CSNK1G2: variants seen among roughly 807,000 people sequenced by gnomAD.
The protein encoded by CSNK1G2 is casein kinase 1 gamma 2, also known as casein kinase I isoform gamma-2.
CSNK1G2 carries 11 observed loss-of-function variants against 48.0 expected under a neutral mutation model. The observed-to-expected ratio is 0.23, with a 90% confidence interval of 0.14 to 0.38. CSNK1G2 has a LOEUF of 0.38. CSNK1G2 is among the 10% of genes least tolerant of loss of function. CSNK1G2 has a pLI of 1.00. For missense variants in CSNK1G2, 446 were observed against 595.5 expected (o/e 0.75, Z 2.61); for synonymous variants, 337 against 254.1 (o/e 1.33, Z -3.10).
Position 1,958,916 on chromosome 19 carries a change from G to A in CSNK1G2, c.-265-10592G>A, listed in dbSNP as rs184383732. On this transcript the variant is annotated intron_variant, in intron 1 of 11. Coordinates refer to ENST00000255641, the MANE Select transcript of CSNK1G2 (RefSeq NM_001319.7). ...CCCTCCCCCCGTCCCCCCCACCCCC[G>A]TCCAGGGCCACAGCAGCCGGTATTG... 8.0e-3 allele frequency among the ~76,000 whole-genome samples: 139 copies of A among 17,384 alleles called. 1 individual carries two copies. The highest frequency in any genetic ancestry group is 0.079 in the East Asian group (38 of 480). 11.4% of individuals were successfully genotyped at this position (17,384 alleles called of 152,430 possible).
chr19:1,959,525 C>A (rs1482904365), intron 1 of CSNK1G2, among the ~76,000 whole-genome samples: 1 of 146,552 alleles, frequency 6.8e-6, no homozygotes, highest in Non-Finnish European at 1.5e-5. Flanking sequence ...TTTAGTACCA[C>A]CCTGAGTCCC....
intron 2 of CSNK1G2, chr19:1,975,013 G>T (rs1050092248): frequency 3.7e-5 from 36 of 961,968 alleles, no homozygotes; most frequent in Non-Finnish European, 4.5e-5. Context: ...AGATCCACAG[G>T]CCTCAGATGC....
chr19:1,980,160 T>A lies in CSNK1G2; in HGVS notation c.1205T>A (p.Phe402Tyr). The A allele has an allele frequency of 6.2e-7, 1 of 1,612,954 alleles. No individual in the cohort carries two copies. Among genetic ancestry groups the A allele is most frequent in the Admixed American group, 1.7e-5 (1 of 60,016 alleles). The change falls in exon 12 of 12, where the codon TTC becomes TAC. Residue 402 changes from phenylalanine (F) to tyrosine (Y), a missense_variant. Physicochemically the swap from Phe to Tyr is conservative, Grantham distance 22. Around this residue, in one of 2 missense-constraint regions of CSNK1G2, gnomAD observed 188 missense variants for 179.6 expected, o/e 1.05. Coordinates refer to ENST00000255641, the MANE Select transcript of CSNK1G2 (RefSeq NM_001319.7). Reference sequence around the variant, plus strand: ...ACTGCCCTCCTCAGATGCTGCTGTTTCTTCAAGAGGAGAAAGAGAAAATCG... The same window carrying A: ...ACTGCCCTCCTCAGATGCTGCTGTTACTTCAAGAGGAGAAAGAGAAAATCG... ...EVADETKCCC[F>Y]FKRRKRKSLQ...
chr19:1,975,507 T>A (rs2015722489), intron 2 of CSNK1G2: 1 of 985,408 alleles, frequency 1.0e-6, no homozygotes, highest in Non-Finnish European at 1.2e-6. Context: ...AACCCCATCC[T>A]CCCTGTGAGC....
chr19:1,974,339 G>C (rs544418111), intron 2 of CSNK1G2, among the ~76,000 whole-genome samples: 1 of 152,172 alleles, frequency 6.6e-6, no homozygotes, highest in Non-Finnish European at 1.5e-5. Flanking sequence ...ACCGGAGGGG[G>C]CTGGATTCGC....
chr19:1,949,473 G>A (rs564452027), intron 1 of CSNK1G2, among the ~76,000 whole-genome samples: 15 of 152,356 alleles, frequency 9.8e-5, no homozygotes, highest in South Asian at 2.1e-4. Flanking sequence ...GCCCGCGTCC[G>A]AGTCTCGCTC....
chr19:1,972,826 G>C (rs907144281), intron 2 of CSNK1G2, among the ~76,000 whole-genome samples: 1 of 150,618 alleles, frequency 6.6e-6, no homozygotes, highest in African/African-American at 2.4e-5. Context: ...GTTTCACCTT[G>C]TTGGCCAGGC....
intron 2 of CSNK1G2, among the ~76,000 whole-genome samples, chr19:1,974,488 G>C (rs113765495): frequency 0.052 from 7,891 of 152,182 alleles, 664 homozygotes; most frequent in African/African-American, 0.18. Flanking sequence ...ATGACCCTTG[G>C]GGGGTGCATC....
At position 1,978,019 on chromosome 19, in the gene CSNK1G2, C is replaced by T. The variant is rs2015819079; in HGVS notation, c.188-286C>T. Among the ~76,000 whole-genome samples, 1 of 151,654 alleles carries T rather than the reference C, an allele frequency of 6.6e-6. No homozygotes were observed. Among genetic ancestry groups the T allele is most frequent in the South Asian group, 2.1e-4 (1 of 4,806 alleles). On this transcript the variant is annotated intron_variant, in intron 2 of 11. Transcript: ENST00000255641. The surrounding 1 kb of genome is among the most constrained non-coding windows in gnomAD (Gnocchi z 7.3). ...GCCTGCAGGCCGTGAGAGACCTCCC[C>T]AGTGCCGCTTCTGTCCTGGGCTAGG...
At chr19:1,953,704 A>G (rs920879681) in intron 1 of CSNK1G2, 1 of 385,922 alleles carries the variant, frequency 2.6e-6, no homozygotes, top group Non-Finnish European at 5.3e-6. Context: ...GGGTCCCTGC[A>G]CAGCCTCGCC....
In CSNK1G2 at chr19:1,957,350, C is replaced by T. The variant is rs1054201998; in HGVS notation, c.-265-12158C>T. Among the ~76,000 whole-genome samples, 4 of 152,164 alleles carry T rather than the reference C, an allele frequency of 2.6e-5. No homozygotes were observed. Among genetic ancestry groups the T allele is most frequent in the African/African-American group, 9.7e-5 (4 of 41,428 alleles). ...CGGGAGGTCACGTGGGCACCACAGA[C>T]GAAAGTGGAGCCGGGGGAGAGATGT... On this transcript the variant is annotated intron_variant, in intron 1 of 11. Coordinates refer to ENST00000255641, the MANE Select transcript of CSNK1G2 (RefSeq NM_001319.7). This position sits in a 1 kb window ranked among gnomAD's most constrained non-coding sequence, Gnocchi z 5.4.
chr19:1,961,461 T>C (rs1397417235), intron 1 of CSNK1G2, among the ~76,000 whole-genome samples: 1 of 152,218 alleles, frequency 6.6e-6, no homozygotes, highest in Non-Finnish European at 1.5e-5. Flanking sequence ...CAGCCTATAC[T>C]CCAGGCCATT....
At chr19:1,949,527 G>A (rs1422485381) in intron 1 of CSNK1G2, among the ~76,000 whole-genome samples, 1 of 152,242 alleles carries the variant, frequency 6.6e-6, no homozygotes, top group Non-Finnish European at 1.5e-5. Flanking sequence ...GTGGCCACGT[G>A]TTTATTTCTG....
At chr19:1,941,955 C>A (rs1238437062) in intron 1 of CSNK1G2, among the ~76,000 whole-genome samples, 1 of 152,060 alleles carries the variant, frequency 6.6e-6, no homozygotes, top group Non-Finnish European at 1.5e-5. Flanking sequence ...CCCCTGCCCA[C>A]CTGGCCCCAT....
At chr19:1,950,115 A>T (rs1172361729) in intron 1 of CSNK1G2, among the ~76,000 whole-genome samples, 2 of 151,286 alleles carry the variant, frequency 1.3e-5, no homozygotes, top group Non-Finnish European at 2.9e-5. Context: ...GTTTATTTTT[A>T]TTTATTTTAT....
At chr19:1,965,734 A>G (rs576519895) in intron 1 of CSNK1G2, among the ~76,000 whole-genome samples, 1 of 151,906 alleles carries the variant, frequency 6.6e-6, no homozygotes, top group South Asian at 2.1e-4. Context: ...CTGAGCTCAA[A>G]GCAGTCTGCC....
rs2015956829 is a variant in CSNK1G2 at position 1,980,639 on chromosome 19, C to T, written c.*436C>T. 3 of 217,542 alleles carry T rather than the reference C, an allele frequency of 1.4e-5. No homozygotes were observed. Among genetic ancestry groups the T allele is most frequent in the African/African-American group, 2.4e-5 (1 of 42,076 alleles). The allele number at this position is 217,542 out of a possible 1,614,324, so 13.5% of individuals were successfully genotyped here. Reference sequence around the variant, plus strand: ...TCCCTCGATCCAAAGGCCGTTTTCTCGAGGGGAGGGCAGGCCCGGCCTGGA... The same window carrying T: ...TCCCTCGATCCAAAGGCCGTTTTCTTGAGGGGAGGGCAGGCCCGGCCTGGA... On this transcript the variant is annotated 3_prime_UTR_variant, in exon 12 of 12. Coordinates refer to ENST00000255641, the MANE Select transcript of CSNK1G2 (RefSeq NM_001319.7).
chr19:1,956,829 C>A (rs978503349), intron 1 of CSNK1G2, among the ~76,000 whole-genome samples: 10 of 152,204 alleles, frequency 6.6e-5, no homozygotes, highest in African/African-American at 2.4e-4. Context: ...AGGAGGACAC[C>A]CCAGAGAGCC....
chr19:1,980,114 C>T lies in CSNK1G2; in HGVS notation c.1194-35C>T, dbSNP rs757616896. ...GGCCTGGGCTGCCCCCGCCCTGCAC[C>T]CCGGTCCTCCTACCTGAGCCACTGC... On this transcript the variant is annotated intron_variant, in intron 11 of 11. Coordinates refer to ENST00000255641, the MANE Select transcript of CSNK1G2 (RefSeq NM_001319.7). The T allele has an allele frequency of 2.1e-5, 34 of 1,611,954 alleles. No homozygotes were observed. The East Asian group carries it at 6.9e-4, about 33-fold the overall frequency.
Sources: gnomAD v4.1 joint callset for allele counts (sites outside exome capture counted in the v4.1 genomes callset) on GRCh38, gnomAD v4.1.1 for gene constraint, gnomAD v4.1.1 regional missense constraint, Gnocchi (gnomAD v3.1) non-coding constraint, MANE v1.5 for transcripts, NCBI Gene and HGNC (gene_info 2026-07-23, HGNC 2026-07-21) for gene names.